MARCHF1: variants seen among roughly 807,000 people sequenced by gnomAD.
The protein encoded by MARCHF1 is E3 ubiquitin-protein ligase MARCHF1.
Under a neutral mutation model 54.2 loss-of-function variants are expected in MARCHF1, and 40 were observed. That is an observed-to-expected ratio of 0.74 (90% CI 0.57 to 0.96). The LOEUF is 0.96. Ranked by LOEUF, MARCHF1 falls within the 40% of genes least tolerant of loss-of-function variation. The pLI is 0.00. For missense variants in MARCHF1, 586 were observed against 656.5 expected (o/e 0.89, Z 1.17); for synonymous variants, 236 against 236.3 (o/e 1.00, Z 0.01).
At chr4:163,761,596 T>C (rs181251065) in intron 4 of MARCHF1, among the ~76,000 whole-genome samples, 7 of 152,336 alleles carry the variant, frequency 4.6e-5, no homozygotes, top group African/African-American at 7.2e-5. Context: ...GTCTGAATGA[T>C]AGCATAGTTG....
At chr4:163,541,158 A>C (rs529047606) in intron 9 of MARCHF1, among the ~76,000 whole-genome samples, 74 of 152,314 alleles carry the variant, frequency 4.9e-4, no homozygotes, top group South Asian at 2.7e-3. Flanking sequence ...GCCAGCAAAC[A>C]TTTTTTGAGC....
chr4:164,292,139 C>T (rs1433941831), intron 1 of MARCHF1, among the ~76,000 whole-genome samples: 1 of 151,972 alleles, frequency 6.6e-6, no homozygotes, highest in African/African-American at 2.4e-5. Flanking sequence ...AAAACTTTTA[C>T]ACTGTGATTT....
chr4:164,184,786 A>C (rs1003751076), intron 1 of MARCHF1, among the ~76,000 whole-genome samples: 1 of 152,228 alleles, frequency 6.6e-6, no homozygotes, highest in Non-Finnish European at 1.5e-5. Flanking sequence ...GCTAGCCATA[A>C]TGCCTAAATG....
chr4:163,767,916 T>C lies in MARCHF1; in HGVS notation c.112-67053A>G, dbSNP rs1189642972. On this transcript the variant is annotated intron_variant, in intron 4 of 9. Coordinates refer to ENST00000514618, the MANE Select transcript of MARCHF1 (RefSeq NM_001394959.1). ...ACCACCAATGACTCTAGCTGTACAT[T>C]GCTATCATCCAAATTTATCAAGTAA... Among the ~76,000 whole-genome samples, 9 of 152,226 alleles carry C rather than the reference T, an allele frequency of 5.9e-5. No individual in the cohort carries two copies. In the East Asian group the frequency reaches 1.7e-3, roughly 29 times the overall value.
intron 5 of MARCHF1, among the ~76,000 whole-genome samples, chr4:163,639,133 T>G (rs1303605879): frequency 6.6e-6 from 1 of 152,194 alleles, no homozygotes; most frequent in East Asian, 1.9e-4. Flanking sequence ...TGAATGTACT[T>G]ACTACTTAAC....
chr4:164,022,505 C>T (rs570912624), intron 2 of MARCHF1, among the ~76,000 whole-genome samples: 29 of 152,004 alleles, frequency 1.9e-4, no homozygotes, highest in Middle Eastern at 3.4e-3. Flanking sequence ...GGGAAAGAGG[C>T]GAGTTAAGGG....
chr4:164,267,882 C>T (rs1274214754), intron 1 of MARCHF1, among the ~76,000 whole-genome samples: 1 of 152,074 alleles, frequency 6.6e-6, no homozygotes, highest in East Asian at 1.9e-4. Context: ...ATCCAGCTCT[C>T]AAACAGGTTT....
At chr4:163,582,151 T>C (rs1359837321) in intron 8 of MARCHF1, among the ~76,000 whole-genome samples, 2 of 152,222 alleles carry the variant, frequency 1.3e-5, no homozygotes, top group South Asian at 2.1e-4. Context: ...TGCTTCCTAG[T>C]TGATCTTGAG....
intron 1 of MARCHF1, among the ~76,000 whole-genome samples, chr4:164,380,188 A>G (rs577060013): frequency 6.6e-6 from 1 of 152,302 alleles, no homozygotes; most frequent in South Asian, 2.1e-4. Context: ...GATATTCTAA[A>G]ACCACAATTA....
intron 1 of MARCHF1, among the ~76,000 whole-genome samples, chr4:164,360,102 C>T (rs938574993): frequency 5.3e-5 from 8 of 152,060 alleles, no homozygotes; most frequent in Non-Finnish European, 1.2e-4. Flanking sequence ...CATTCATTGT[C>T]CTTGTGTAAT....
intron 1 of MARCHF1, among the ~76,000 whole-genome samples, chr4:164,297,175 A>C (rs1453050796): frequency 6.6e-6 from 1 of 152,234 alleles, no homozygotes; most frequent in Non-Finnish European, 1.5e-5. Context: ...CAATGCAAAC[A>C]ATAAGGAAAA....
At chr4:163,699,645 T>C (rs1744743831) in intron 5 of MARCHF1, among the ~76,000 whole-genome samples, 1 of 152,210 alleles carries the variant, frequency 6.6e-6, no homozygotes, top group South Asian at 2.1e-4. Context: ...AAATTACTAA[T>C]ATAAAGTTAA....
chr4:164,253,775 C>T (rs775941893), intron 1 of MARCHF1, among the ~76,000 whole-genome samples: 4 of 151,944 alleles, frequency 2.6e-5, no homozygotes, highest in African/African-American at 9.7e-5. Context: ...GGAAACAACC[C>T]AAATGTCTTT....
At chr4:164,180,999 A>G (rs1730819552) in intron 1 of MARCHF1, among the ~76,000 whole-genome samples, 1 of 152,128 alleles carries the variant, frequency 6.6e-6, no homozygotes, top group South Asian at 2.1e-4. Context: ...TCTCAAAGTA[A>G]AATTCTCATC....
chr4:163,742,446 T>C (rs1295196658), intron 4 of MARCHF1, among the ~76,000 whole-genome samples: 1 of 147,822 alleles, frequency 6.8e-6, no homozygotes, highest in African/African-American at 2.6e-5. Flanking sequence ...CTTTCTTTTC[T>C]CTTTCTTTCA....
chr4:164,352,156 C>G (rs13123077), intron 1 of MARCHF1, among the ~76,000 whole-genome samples: 21,189 of 93,222 alleles, frequency 0.23, 2,551 homozygotes, highest in Non-Finnish European at 0.3. Context: ...GAAAGTGATG[C>G]GGAGAATGGA....
intron 4 of MARCHF1, among the ~76,000 whole-genome samples, chr4:163,721,288 C>A (rs768276722): frequency 2.6e-5 from 4 of 152,028 alleles, no homozygotes; most frequent in African/African-American, 9.7e-5. Context: ...TGAGATAATC[C>A]TGTGGTTTTT....
At chr4:163,599,267 G>A (rs1162551194) in intron 7 of MARCHF1, among the ~76,000 whole-genome samples, 1 of 147,500 alleles carries the variant, frequency 6.8e-6, no homozygotes, top group Admixed American at 6.7e-5. Flanking sequence ...TCCAGCCTGG[G>A]CGACAGAGTG....
At chr4:163,590,550 C>T (rs995483645) in intron 7 of MARCHF1, among the ~76,000 whole-genome samples, 1 of 152,182 alleles carries the variant, frequency 6.6e-6, no homozygotes, top group African/African-American at 2.4e-5. Flanking sequence ...AATATACTGC[C>T]ACTCTTCAAG....
Sources: gnomAD v4.1 joint callset for allele counts (sites outside exome capture counted in the v4.1 genomes callset) on GRCh38, gnomAD v4.1.1 for gene constraint, MANE v1.5 for transcripts, NCBI Gene and HGNC (gene_info 2026-07-23, HGNC 2026-07-21) for gene names.